GPR33: variants seen among roughly 807,000 people sequenced by gnomAD.
GPR33 encodes the protein probable G protein-coupled receptor 33.
Under a neutral mutation model 3.1 loss-of-function variants are expected in GPR33, and 4 were observed. The ratio of observed to expected loss-of-function variants is 1.29; its 90% CI spans 0.64 to 2.96. The LOEUF (loss-of-function observed/expected upper bound fraction) is 2.96, where lower values mean the gene tolerates loss of function less well. GPR33 is among the 30% of genes most tolerant of loss of function. GPR33 has a pLI of 0.01. For missense variants in GPR33, 390 were observed against 388.9 expected (o/e 1.00, Z -0.02); for synonymous variants, 138 against 142.0 (o/e 0.97, Z 0.20).
At chr14:31,484,099 T>G (rs1646966862) in intron 1 of GPR33, 128 bp from the exon 2 acceptor site, 1 of 694,438 alleles carries the variant, frequency 1.4e-6, no homozygotes, top group Non-Finnish European at 2.3e-6. Context: ...TTAACAGCAG[T>G]AAGCAAAATA....
Position 31,484,878 on chromosome 14 carries a change from A to G in GPR33, c.-6-907T>C, listed in dbSNP as rs74040830. ...CATATGGGAGCTGTAAGCCACTGCAAGATTGTGAAGTACCTTCAGAATCAT... is the reference window on the plus strand; with the variant it reads ...CATATGGGAGCTGTAAGCCACTGCAGGATTGTGAAGTACCTTCAGAATCAT... On this transcript the variant is annotated intron_variant, in intron 1 of 1. Coordinates refer to ENST00000399285, the MANE Select transcript of GPR33 (RefSeq NM_001197184.3). Among the ~76,000 whole-genome samples the G allele has an allele frequency of 2.3e-3, 351 of 152,286 alleles. 1 individual carries two copies. The highest frequency in any genetic ancestry group is 7.7e-3 in the African/African-American group (322 of 41,554).
chr14:31,483,236 A>G lies in GPR33; in HGVS notation c.730T>C (p.Phe244Leu). The change falls in exon 2 of 2, where the codon TTC (phenylalanine) becomes CTC (leucine). Residue 244 changes from phenylalanine (F) to leucine (L), a missense_variant. Coordinates refer to ENST00000399285, the MANE Select transcript of GPR33 (RefSeq NM_001197184.3). ...ERSLFKSSKPFKVMMTAIISF... is the reference protein window; with the variant it reads ...ERSLFKSSKPLKVMMTAIISF... The stretch of plus-strand genomic sequence containing the variant: ...ATAATGGCAGTCATCATAACTTTGA[A>G]GGGCTTGCTGGATTTAAACAGGCTC... 5.2e-6 allele frequency: 8 copies of G among 1,536,148 alleles called. No homozygotes were observed. The highest frequency in any genetic ancestry group is 7.0e-6 in the Non-Finnish European group (8 of 1,146,914).
intron 1 of GPR33, among the ~76,000 whole-genome samples, chr14:31,486,025 G>A (rs1001187417): frequency 6.6e-6 from 1 of 152,224 alleles, no homozygotes; most frequent in Non-Finnish European, 1.5e-5. Context: ...AATTACTAAT[G>A]ATGCTTTTTT....
rs1234303268 is a variant in GPR33, at chr14:31,482,938, T to A, written c.*26A>T. 2.7e-6 allele frequency: 4 copies of A among 1,473,642 alleles called. No individual in the cohort carries two copies. The highest frequency in any genetic ancestry group is 3.6e-6 in the Non-Finnish European group (4 of 1,121,712). 91.3% of individuals were successfully genotyped at this position (1,473,642 alleles called of 1,614,324 possible). On this transcript the variant is annotated 3_prime_UTR_variant, in exon 2 of 2. Transcript: ENST00000399285. ...CCAAGTGCGTGTTTGCTTAAGAATCTAGAATTTAAATTTAGGCTTCTGAGT... is the reference window on the plus strand; with the variant it reads ...CCAAGTGCGTGTTTGCTTAAGAATCAAGAATTTAAATTTAGGCTTCTGAGT...
rs1309243534 is a variant in GPR33, at chr14:31,483,842, T to C, written c.124A>G (p.Ile42Val). The C allele has an allele frequency of 5.2e-6, 8 of 1,536,086 alleles. No homozygotes were observed. Among genetic ancestry groups the C allele is most frequent in the South Asian group, 1.2e-5 (1 of 84,060 alleles). Residue 42 changes from isoleucine (I) to valine (V), a missense_variant, in exon 2 of 2, where the codon ATT becomes GTT. By Grantham distance (29) the Ile-to-Val change is conservative. Transcript: ENST00000399285. ...IALSLYISSI[I>V]GTITNGLYLW... ...TAGAGGCCATTGGTGATGGTACCAATTATAGATGAAATGTACAAAGAAAGG... is the reference window on the plus strand; with the variant it reads ...TAGAGGCCATTGGTGATGGTACCAACTATAGATGAAATGTACAAAGAAAGG...
chr14:31,485,006 G>T (rs1157825170), intron 1 of GPR33, among the ~76,000 whole-genome samples: 2 of 151,836 alleles, frequency 1.3e-5, no homozygotes, highest in Admixed American at 6.6e-5. Flanking sequence ...CATGATCTTG[G>T]CTTACTGCAA....
rs1566804740 is a variant in GPR33, at chr14:31,487,446, T to TTTG, written c.-7+450_-7+451insCAA. Among the ~76,000 whole-genome samples the TTTG allele has an allele frequency of 3.7e-5, 5 of 135,632 alleles. 1 individual carries two copies. The highest frequency in any genetic ancestry group is 1.5e-4 in the African/African-American group (5 of 34,244). 89.0% of individuals were successfully genotyped at this position (135,632 alleles called of 152,430 possible). On this transcript the variant is annotated intron_variant, in intron 1 of 1. Transcript: ENST00000399285. ...TAAGCCCCTCAGTTTTTTTTTTTTT[T>TTTG]TTTTTTTTTTTCAGATGGAGTCTTG...
chr14:31,487,597 G>A (rs563875618), intron 1 of GPR33, among the ~76,000 whole-genome samples: 152 of 152,008 alleles, frequency 1.0e-3, no homozygotes, highest in African/African-American at 3.4e-3. Context: ...CTGCCACCAT[G>A]CCTGGTTAAA....
intron 1 of GPR33, among the ~76,000 whole-genome samples, chr14:31,484,936 G>A (rs1252101170): frequency 6.6e-6 from 1 of 151,696 alleles, no homozygotes; most frequent in Non-Finnish European, 1.5e-5. Flanking sequence ...GTAAGATGTA[G>A]TAATTTTTTT....
intron 1 of GPR33, among the ~76,000 whole-genome samples, chr14:31,486,534 G>C (rs906986699): frequency 6.6e-6 from 1 of 152,212 alleles, no homozygotes; most frequent in Admixed American, 6.5e-5. Context: ...AAAAAGTGGA[G>C]TCTGAAGCAT....
At chr14:31,485,587 C>T (rs1484741586) in intron 1 of GPR33, among the ~76,000 whole-genome samples, 4 of 149,696 alleles carry the variant, frequency 2.7e-5, no homozygotes, top group South Asian at 2.1e-4. Context: ...TGAGCCGAAC[C>T]GAGATGGTGC....
Position 31,483,519 on chromosome 14 carries a change from G to C in GPR33, c.447C>G (p.Val149=). 7.2e-6 allele frequency: 11 copies of C among 1,536,132 alleles called. No homozygotes were observed. The highest frequency in any genetic ancestry group is 9.6e-6 in the Non-Finnish European group (11 of 1,146,918). Residue 149 remains valine (V), a synonymous_variant, in exon 2 of 2, where the codon GTC becomes GTG. Transcript: ENST00000399285. ...HRTPRWASSI[V]LGVWISAAAL... ...CAGCGGCTGAAATCCAGACTCCCAGGACAATGCTGGAAGCCCAGCGCGGGG... is the reference window on the plus strand; with the variant it reads ...CAGCGGCTGAAATCCAGACTCCCAGCACAATGCTGGAAGCCCAGCGCGGGG...
At position 31,483,015 on chromosome 14, in the gene GPR33, C is replaced by T. The variant is rs1372257677; in HGVS notation, c.951G>A (p.Leu317=). The change falls in exon 2 of 2, where the codon CTG becomes CTA. Residue 317 remains leucine, a synonymous_variant. Transcript: ENST00000399285. ...AATCTTCACTAAATGTTGACTCAAA[C>T]AGAGCAAGAATGGACTTCTTGAAGA... The part of the protein sequence containing the change: ...KKVFKKSILA[L]FESTFSEDSS... 1 of 1,534,414 alleles carries T rather than the reference C, an allele frequency of 6.5e-7. No homozygotes were observed. Among genetic ancestry groups the T allele is most frequent in the Admixed American group, 2.0e-5 (1 of 50,738 alleles).
Position 31,487,918 on chromosome 14 carries a change from C to T in GPR33, c.-28G>A, listed in dbSNP as rs1269966162. The T allele has an allele frequency of 1.3e-5, 2 of 152,136 alleles. No individual in the cohort carries two copies. Among genetic ancestry groups the T allele is most frequent in the African/African-American group, 4.8e-5 (2 of 41,402 alleles). 9.4% of individuals were successfully genotyped at this position (152,136 alleles called of 1,614,324 possible). Reference sequence around the variant, plus strand: ...TTACCTCAGACCTGTATCTTCATGCCAGATTGGTCTTGAGCAGGCCAAAGT... The same window carrying T: ...TTACCTCAGACCTGTATCTTCATGCTAGATTGGTCTTGAGCAGGCCAAAGT... On this transcript the variant is annotated 5_prime_UTR_variant, in exon 1 of 2. Transcript: ENST00000399285.
Position 31,483,729 on chromosome 14 carries a change from C to T in GPR33, c.237G>A (p.Met79Ile). Residue 79 changes from methionine to isoleucine, a missense_variant, in exon 2 of 2, where the codon ATG becomes ATA. Coordinates refer to ENST00000399285, the MANE Select transcript of GPR33 (RefSeq NM_001197184.3). ...HLILSYFISTMILPFMATSQL... is the reference protein window; with the variant it reads ...HLILSYFISTIILPFMATSQL... ...GGGAGGTGGCCATAAATGGCAGAAT[C>T]ATTGTTGAAATAAAATAAGAGAGAA... The T allele has an allele frequency of 6.5e-7, 1 of 1,536,062 alleles. No individual in the cohort carries two copies. The highest frequency in any genetic ancestry group is 8.7e-7 in the Non-Finnish European group (1 of 1,146,898).
chr14:31,483,566 C>A lies in GPR33; in HGVS notation c.400G>T (p.Val134Leu), dbSNP rs761907439. 2.8e-5 allele frequency: 43 copies of A among 1,536,018 alleles called. No individual in the cohort carries two copies. The highest frequency in any genetic ancestry group is 3.6e-5 in the Non-Finnish European group (41 of 1,146,920). Residue 134 changes from valine to leucine, a missense_variant, in exon 2 of 2, where the codon GTG (valine) becomes TTG (leucine). Coordinates refer to ENST00000399285, the MANE Select transcript of GPR33 (RefSeq NM_001197184.3). ...GGGGTTCGGTGCTGCTGGGACCACA[C>A]TGGGTGAAGAGTGAGAAGGTAACGA... ...LDRYLLTLHP[V>L]WSQQHRTPRW...
Position 31,483,261 on chromosome 14 carries a change from C to T in GPR33, c.705G>A (p.Arg235=), listed in dbSNP as rs2032380718. Residue 235 remains arginine (R), a synonymous_variant, in exon 2 of 2, where the codon AGG becomes AGA. Transcript: ENST00000399285. ...YERVASKVKE[R]SLFKSSKPFK... is the part of the protein sequence containing the mutation. ...AGGGCTTGCTGGATTTAAACAGGCT[C>T]CTCTCTTTCACCTTGCTGGCTACTC... 2 of 1,536,120 alleles carry T rather than the reference C, an allele frequency of 1.3e-6. No homozygotes were observed. The highest frequency in any genetic ancestry group is 1.2e-5 in the South Asian group (1 of 84,056).
rs1392775942 is a variant in GPR33 at position 31,483,435 on chromosome 14, C to T, written c.531G>A (p.Val177=). ...RETHHDRKGK[V]TCQNNYAVST... ...ACACAGCATAGTTATTTTGGCAAGT[C>T]ACCTTTCCTTTACGGTCATGATGTG... The change falls in exon 2 of 2, where the codon GTG becomes GTA. Residue 177 remains valine (V), a synonymous_variant. Transcript: ENST00000399285. The T allele has an allele frequency of 1.3e-6, 2 of 1,536,142 alleles. No homozygotes were observed. The highest frequency in any genetic ancestry group is 2.4e-5 in the East Asian group (1 of 40,926).
chr14:31,483,765 A>ACT lies in GPR33; in HGVS notation c.200_201insAG (p.Phe67LeufsTer14). On this transcript the variant is annotated frameshift_variant, in exon 2 of 2. Transcript: ENST00000399285. LOFTEE classifies it low-confidence loss of function (END_TRUNC). Reference sequence around the variant, plus strand: ...TAAAATAAGAGAGAATGAGATGAAAAAATAAGAGAGTATTGACAGTCTGTT... The same window carrying ACT: ...TAAAATAAGAGAGAATGAGATGAAAACTAATAAGAGAGTATTGACAGTCTGTT... The ACT allele has an allele frequency of 6.5e-7, 1 of 1,536,132 alleles. No individual in the cohort carries two copies. Among genetic ancestry groups the ACT allele is most frequent in the Non-Finnish European group, 8.7e-7 (1 of 1,146,898 alleles).
Sources: allele counts gnomAD v4.1 joint callset (sites outside exome capture counted in the v4.1 genomes callset), GRCh38; gene constraint gnomAD v4.1.1; transcripts MANE v1.5; gene names NCBI Gene and HGNC (gene_info 2026-07-23, HGNC 2026-07-21).